The following LNP1 variants were observed in gnomAD, a reference collection of about 807,000 sequenced individuals.
The protein encoded by LNP1 is leukemia NUP98 fusion partner 1.
A neutral mutation model predicts 14.5 loss-of-function variants in LNP1; 12 were observed. The observed-to-expected ratio is 0.83, with a 90% CI of 0.53 to 1.34. The LOEUF is 1.34. Among genes scored for constraint, LNP1 ranks in the 40% most tolerant of loss-of-function variants. The probability of loss-of-function intolerance (pLI) is 0.00; values close to 1 mark genes in which losing one functional copy is unlikely to be tolerated. For synonymous variants in LNP1, 75 were observed against 71.4 expected (o/e 1.05, Z -0.26); for missense variants, 198 against 210.9 (o/e 0.94, Z 0.38).
At chr3:100,425,648 T>C (rs1707185390) in intron 1 of LNP1, among the ~76,000 whole-genome samples, 1 of 152,162 alleles carries the variant, frequency 6.6e-6, no homozygotes, top group South Asian at 2.1e-4. Context: ...TTTATTCTTA[T>C]CTAGACCATT....
At chr3:100,430,034 C>G (rs764195250) in intron 2 of LNP1, 149 bp downstream of exon 2, 23 of 758,342 alleles carry the variant, frequency 3.0e-5, no homozygotes, top group Middle Eastern at 4.0e-4. Flanking sequence ...AGAAATCTCT[C>G]TTATTATTTC....
At chr3:100,413,670 C>T (rs1707051025) in intron 1 of LNP1, among the ~76,000 whole-genome samples, 1 of 152,160 alleles carries the variant, frequency 6.6e-6, no homozygotes, top group Non-Finnish European at 1.5e-5. Context: ...CTCATGGTGC[C>T]CTACACAAGA....
chr3:100,443,072 G>A (rs1707359773), intron 2 of LNP1, among the ~76,000 whole-genome samples: 1 of 152,146 alleles, frequency 6.6e-6, no homozygotes, highest in South Asian at 2.1e-4. Context: ...ATGTAAATAG[G>A]TTGCTGTTAT....
chr3:100,421,085 C>T (rs1378572068), intron 1 of LNP1, among the ~76,000 whole-genome samples: 3 of 152,028 alleles, frequency 2.0e-5, no homozygotes, highest in Non-Finnish European at 1.5e-5. Flanking sequence ...CTCAAGTGAT[C>T]CTCTTGTCTT....
At chr3:100,403,468 T>G (rs939310369) in intron 1 of LNP1, among the ~76,000 whole-genome samples, 2 of 143,152 alleles carry the variant, frequency 1.4e-5, no homozygotes, top group Middle Eastern at 7.2e-3. Flanking sequence ...AAGACCTGAG[T>G]TTTTTTTTTT....
In LNP1 at chr3:100,429,723, C is replaced by T. The variant is rs1247386314; in HGVS notation, c.-7C>T. On this transcript the variant is annotated 5_prime_UTR_variant, in exon 2 of 4. Coordinates refer to ENST00000383693, the MANE Select transcript of LNP1 (RefSeq NM_001085451.2). ...GACAGGCCTTCAGTATTTGGCATCA[C>T]CTTTACATGGAGCACAAAGATGATG... 6.2e-7 allele frequency: 1 copy of T among 1,613,322 alleles called. No homozygotes were observed. Among genetic ancestry groups the T allele is most frequent in the Non-Finnish European group, 8.5e-7 (1 of 1,179,522 alleles).
chr3:100,420,371 G>T (rs9855368), intron 1 of LNP1, among the ~76,000 whole-genome samples: 2,733 of 152,178 alleles, frequency 0.018, 50 homozygotes, highest in African/African-American at 0.049. Flanking sequence ...GAATAAAGTG[G>T]CATGATCACA....
At chr3:100,418,456 TTGTC>T (rs1040765190) in intron 1 of LNP1, among the ~76,000 whole-genome samples, 3 of 152,074 alleles carry the variant, frequency 2.0e-5, no homozygotes, top group Non-Finnish European at 4.4e-5. Flanking sequence ...CATGCTTTCA[TTGTC>T]TGTAGGTCTG....
intron 1 of LNP1, among the ~76,000 whole-genome samples, chr3:100,409,602 A>ATG (rs775382075): frequency 0.053 from 6,060 of 113,946 alleles, 187 homozygotes; most frequent in East Asian, 0.3. Flanking sequence ...ATATATATAT[A>ATG]TATATTTTTT....
chr3:100,422,465 A>G (rs1353573308), intron 1 of LNP1, among the ~76,000 whole-genome samples: 1 of 152,150 alleles, frequency 6.6e-6, no homozygotes, highest in Non-Finnish European at 1.5e-5. Flanking sequence ...ACATAGTAGT[A>G]AATTTTAACA....
At chr3:100,414,853 T>C (rs966728562) in intron 1 of LNP1, among the ~76,000 whole-genome samples, 1 of 152,226 alleles carries the variant, frequency 6.6e-6, no homozygotes, top group Non-Finnish European at 1.5e-5. Context: ...AGACCCTTAA[T>C]AGAGGACTCA....
intron 1 of LNP1, among the ~76,000 whole-genome samples, chr3:100,426,449 A>C (rs1047272382): frequency 6.6e-6 from 1 of 152,238 alleles, no homozygotes; most frequent in Non-Finnish European, 1.5e-5. Context: ...TACAGGGCCA[A>C]ACGGCTTTGT....
At chr3:100,402,868 C>G (rs1203495812) in intron 1 of LNP1, among the ~76,000 whole-genome samples, 1 of 152,126 alleles carries the variant, frequency 6.6e-6, no homozygotes, top group Non-Finnish European at 1.5e-5. Flanking sequence ...CTGCACAGTT[C>G]CCCTCTCCAA....
Position 100,449,966 on chromosome 3 carries a change from C to T in LNP1, c.157-1753C>T, listed in dbSNP as rs561430445. 2.0e-5 allele frequency among the ~76,000 whole-genome samples: 3 copies of T among 152,202 alleles called. 1 individual carries two copies. The South Asian group carries it at 6.2e-4, about 32-fold the overall frequency. ...GCGGGGTGACAGTCATTGCTTTCAG[C>T]TTGGCCTGGCTAGCAAAAAGATGGC... is the stretch of plus-strand genomic sequence containing the variant. On this transcript the variant is annotated intron_variant, in intron 2 of 3. Coordinates refer to ENST00000383693, the MANE Select transcript of LNP1 (RefSeq NM_001085451.2).
intron 1 of LNP1, among the ~76,000 whole-genome samples, chr3:100,410,322 A>G (rs1011019198): frequency 1.3e-5 from 2 of 152,160 alleles, no homozygotes; most frequent in African/African-American, 4.8e-5. Flanking sequence ...ATTCATTCAA[A>G]TGTGGATGTT....
intron 2 of LNP1, among the ~76,000 whole-genome samples, chr3:100,437,473 A>T (rs577809371): frequency 6.6e-6 from 1 of 152,200 alleles, no homozygotes; most frequent in Non-Finnish European, 1.5e-5. Flanking sequence ...CCAATTAAAA[A>T]AAGTTATTTT....
intron 2 of LNP1, among the ~76,000 whole-genome samples, chr3:100,440,730 T>A (rs1362270615): frequency 6.6e-6 from 1 of 152,170 alleles, no homozygotes; most frequent in Non-Finnish European, 1.5e-5. Context: ...GAGTAAAACA[T>A]AGCCCTGATG....
At chr3:100,452,060 G>C in intron 3 of LNP1, 111 bp downstream of exon 3, 1 of 595,848 alleles carries the variant, frequency 1.7e-6, no homozygotes, top group Non-Finnish European at 2.9e-6. Context: ...TTACAGCTTG[G>C]TAATAAGATC....
At chr3:100,423,487 A>G (rs1312870163) in intron 1 of LNP1, among the ~76,000 whole-genome samples, 1 of 152,028 alleles carries the variant, frequency 6.6e-6, no homozygotes, top group African/African-American at 2.4e-5. Context: ...GTGAGACCTC[A>G]TCTCTATAAA....
Sources: gnomAD v4.1 joint callset for allele counts (sites outside exome capture counted in the v4.1 genomes callset) on GRCh38, gnomAD v4.1.1 for gene constraint, MANE v1.5 for transcripts, NCBI Gene and HGNC (gene_info 2026-07-23, HGNC 2026-07-21) for gene names.